FHIT: variants seen among roughly 807,000 people sequenced by gnomAD.
The protein encoded by FHIT is bis(5'-adenosyl)-triphosphatase.
FHIT carries 19 observed loss-of-function variants against 17.9 expected under a neutral mutation model. The ratio of observed to expected loss-of-function variants is 1.06; its 90% CI spans 0.74 to 1.56. The LOEUF (loss-of-function observed/expected upper bound fraction) is 1.56. FHIT is among the 40% of genes most tolerant of loss of function. The probability of loss-of-function intolerance (pLI) is 0.00; values close to 1 mark genes in which losing one functional copy is unlikely to be tolerated. For missense variants in FHIT, 248 were observed against 189.2 expected, an observed-to-expected ratio of 1.31 and a Z score of -1.82; for synonymous variants, 81 against 69.7, an observed-to-expected ratio of 1.16 and a Z score of -0.81.
intron 4 of FHIT, among the ~76,000 whole-genome samples, chr3:60,613,238 C>T (rs1292326929): frequency 1.3e-5 from 2 of 152,258 alleles, no homozygotes; most frequent in East Asian, 1.9e-4. Context: ...TGTGGCATTT[C>T]CAAGTCTCAC....
In FHIT at chr3:60,861,344, G is replaced by A. The variant is rs75136200; in HGVS notation, c.-110-39333C>T. 4.8e-3 allele frequency among the ~76,000 whole-genome samples: 671 copies of A among 138,496 alleles called. 8 individuals are homozygous for A. The highest frequency in any genetic ancestry group is 0.018 in the African/African-American group (593 of 33,848). The allele number at this position is 138,496 out of a possible 152,430, so 90.9% of individuals were successfully genotyped here. On this transcript the variant is annotated intron_variant, in intron 3 of 9. Transcript: ENST00000492590. ...TCATTACAGCAGTTAGCCTACTTCA[G>A]GGTTTCTCAGCCTGGGCACTACTGA...
At chr3:60,280,449 G>C (rs565231557) in intron 5 of FHIT, among the ~76,000 whole-genome samples, 1 of 152,252 alleles carries the variant, frequency 6.6e-6, no homozygotes, top group South Asian at 2.1e-4. Context: ...ATTACCCTAA[G>C]TTATCTGAGT....
intron 4 of FHIT, among the ~76,000 whole-genome samples, chr3:60,745,204 T>C (rs1393320173): frequency 6.6e-6 from 1 of 152,226 alleles, no homozygotes; most frequent in East Asian, 1.9e-4. Flanking sequence ...GGAGGCTCTA[T>C]TACAAAGAGT....
At chr3:60,162,611 C>T (rs1269784835) in intron 5 of FHIT, among the ~76,000 whole-genome samples, 1 of 152,130 alleles carries the variant, frequency 6.6e-6, no homozygotes, top group East Asian at 1.9e-4. Flanking sequence ...ATATAGACTT[C>T]ATCTTATTCT....
At chr3:60,402,503 T>C (rs966947727) in intron 5 of FHIT, among the ~76,000 whole-genome samples, 24 of 152,214 alleles carry the variant, frequency 1.6e-4, no homozygotes, top group Admixed American at 1.6e-3. Flanking sequence ...ACACTAATTC[T>C]AAAAACTGCT....
intron 5 of FHIT, among the ~76,000 whole-genome samples, chr3:60,214,874 G>C (rs1483714943): frequency 6.6e-6 from 1 of 152,140 alleles, no homozygotes; most frequent in Non-Finnish European, 1.5e-5. Flanking sequence ...CAGCAACGTG[G>C]ATGCAGCTGG....
chr3:60,067,665 CA>C (rs1292296204), intron 5 of FHIT, among the ~76,000 whole-genome samples: 1 of 152,166 alleles, frequency 6.6e-6, no homozygotes, highest in Non-Finnish European at 1.5e-5. Flanking sequence ...GTCACTTCTA[CA>C]GCAACTCATC....
intron 1 of FHIT, among the ~76,000 whole-genome samples, chr3:61,250,827 C>CA (rs2040605003): frequency 6.6e-6 from 1 of 152,174 alleles, no homozygotes; most frequent in South Asian, 2.1e-4. Flanking sequence ...AATTATCTCC[C>CA]AAAATGCTGC....
At chr3:61,029,922 A>T (rs2032927942) in intron 3 of FHIT, among the ~76,000 whole-genome samples, 1 of 152,216 alleles carries the variant, frequency 6.6e-6, no homozygotes, top group African/African-American at 2.4e-5. Flanking sequence ...TTAGAACCTC[A>T]GGCTCTTGGG....
At chr3:60,912,538 G>A (rs1429147262) in intron 3 of FHIT, among the ~76,000 whole-genome samples, 1 of 152,208 alleles carries the variant, frequency 6.6e-6, no homozygotes, top group Non-Finnish European at 1.5e-5. Context: ...AGGCAGTTGA[G>A]AAGAAGCAGA....
chr3:59,786,900 G>C (rs1699330893), intron 8 of FHIT, among the ~76,000 whole-genome samples: 1 of 152,202 alleles, frequency 6.6e-6, no homozygotes, highest in African/African-American at 2.4e-5. Flanking sequence ...TTATGTGAGG[G>C]TGTGGAGGTC....
chr3:59,829,262 T>C (rs1488385859), intron 8 of FHIT, among the ~76,000 whole-genome samples: 1 of 152,238 alleles, frequency 6.6e-6, no homozygotes. Flanking sequence ...TTGGTCTATA[T>C]GGATCTATGT....
At chr3:60,961,987 G>C (rs1709476683) in intron 3 of FHIT, among the ~76,000 whole-genome samples, 1 of 152,166 alleles carries the variant, frequency 6.6e-6, no homozygotes, top group Admixed American at 6.5e-5. Flanking sequence ...TAGCTTGATG[G>C]GGATGGCGTT....
At chr3:60,129,291 T>A (rs1699419530) in intron 5 of FHIT, among the ~76,000 whole-genome samples, 1 of 152,020 alleles carries the variant, frequency 6.6e-6, no homozygotes, top group African/African-American at 2.4e-5. Context: ...GAACTCATGA[T>A]CCGACCTCTC....
rs60556614 is a variant in FHIT, at chr3:59,845,174, T to G, written c.348+77172A>C. On this transcript the variant is annotated intron_variant, in intron 8 of 9. Coordinates refer to ENST00000492590, the MANE Select transcript of FHIT (RefSeq NM_002012.4). ...GATTTTATTAATTTTAGACTTCTGG[T>G]TTTTTTTCTTAGTCTAGCTAAAATT... Among the ~76,000 whole-genome samples, 960 of 149,658 alleles carry G rather than the reference T, an allele frequency of 6.4e-3. 12 individuals carry two copies. Among genetic ancestry groups the G allele is most frequent in the African/African-American group, 0.022 (922 of 41,286 alleles).
At chr3:60,355,801 G>C (rs1699629678) in intron 5 of FHIT, among the ~76,000 whole-genome samples, 1 of 152,084 alleles carries the variant, frequency 6.6e-6, no homozygotes, top group Non-Finnish European at 1.5e-5. Flanking sequence ...TCTTTATGTT[G>C]TAATTCACAG....
intron 1 of FHIT, among the ~76,000 whole-genome samples, chr3:61,223,937 A>G (rs931198649): frequency 6.6e-6 from 1 of 152,184 alleles, no homozygotes; most frequent in Non-Finnish European, 1.5e-5. Flanking sequence ...CTGGAAACCA[A>G]TGTCAGAGAG....
intron 4 of FHIT, among the ~76,000 whole-genome samples, chr3:60,782,233 GTGTGTATA>G (rs66547216): frequency 0.3 from 40,242 of 133,064 alleles, 5,991 homozygotes; most frequent in Middle Eastern, 0.36. Flanking sequence ...GTGTGTGTGT[GTGTGTATA>G]TATATATATA....
intron 8 of FHIT, among the ~76,000 whole-genome samples, chr3:59,758,741 T>TTAAACA (rs1300755049): frequency 6.6e-6 from 1 of 152,132 alleles, no homozygotes; most frequent in Admixed American, 6.6e-5. Flanking sequence ...TAAATTTAAG[T>TTAAACA]TAAACATAAA....
Sources: allele counts gnomAD v4.1 joint callset (sites outside exome capture counted in the v4.1 genomes callset), GRCh38; gene constraint gnomAD v4.1.1; transcripts MANE v1.5; gene names NCBI Gene and HGNC (gene_info 2026-07-23, HGNC 2026-07-21).